Variants in TEX29 observed in about 807,000 individuals in gnomAD.
TEX29 encodes the protein testis expressed 29.
TEX29 carries 26 observed loss-of-function variants against 18.2 expected under a neutral mutation model. The observed-to-expected ratio is 1.43, with a 90% CI of 1.04 to 1.98. The LOEUF (loss-of-function observed/expected upper bound fraction) is 1.98. TEX29 is among the 30% of genes most tolerant of loss of function. The probability of loss-of-function intolerance (pLI) is 0.00; values close to 1 mark genes in which losing one functional copy is unlikely to be tolerated. For synonymous variants in TEX29, 83 were observed against 78.5 expected (o/e 1.06, Z -0.31); for missense variants, 177 against 194.2 (o/e 0.91, Z 0.53).
chr13:111,326,114 G>A (rs1408172688), intron 2 of TEX29, among the ~76,000 whole-genome samples: 2 of 152,264 alleles, frequency 1.3e-5, no homozygotes, highest in Non-Finnish European at 2.9e-5. Context: ...TGGGATCTTG[G>A]GTTTCGTCTG....
At chr13:111,331,072 G>T (rs2093682003) in intron 3 of TEX29, among the ~76,000 whole-genome samples, 1 of 152,184 alleles carries the variant, frequency 6.6e-6, no homozygotes, top group South Asian at 2.1e-4. Flanking sequence ...CCTAGGGGTG[G>T]AATTGCTGGA....
At chr13:111,317,508 C>T (rs562620885), upstream of TEX29, among the ~76,000 whole-genome samples, 27 of 152,284 alleles carry the variant, frequency 1.8e-4, no homozygotes, top group Admixed American at 5.2e-4. Flanking sequence ...ACAGACCTGG[C>T]GTGCTCCTCC....
chr13:111,333,215 C>G (rs1167596544), intron 3 of TEX29, among the ~76,000 whole-genome samples: 1 of 150,518 alleles, frequency 6.6e-6, no homozygotes, highest in Non-Finnish European at 1.5e-5. Context: ...CTGAGTTTAT[C>G]CTACTCAGAG....
intron 3 of TEX29, among the ~76,000 whole-genome samples, chr13:111,338,946 C>A (rs2093693297): frequency 6.6e-6 from 1 of 152,218 alleles, no homozygotes; most frequent in Non-Finnish European, 1.5e-5. Context: ...CGACGGAGAT[C>A]CAGATATCAG....
At chr13:111,341,690 C>T (rs1344961784) in intron 4 of TEX29, among the ~76,000 whole-genome samples, 19 of 112,734 alleles carry the variant, frequency 1.7e-4, no homozygotes, top group Admixed American at 3.8e-4. Flanking sequence ...AATCATAACC[C>T]GTGTTTAGTG....
In TEX29 at chr13:111,320,666, G is replaced by A; in HGVS notation, c.-131G>A. 1 of 602,678 alleles carries A rather than the reference G, an allele frequency of 1.7e-6. No individual in the cohort carries two copies. The highest frequency in any genetic ancestry group is 3.0e-6 in the Non-Finnish European group (1 of 335,106). The allele number at this position is 602,678 out of a possible 1,614,324, so 37.3% of individuals were successfully genotyped here. A position where few individuals can be genotyped will look rare whatever the true frequency, so the allele number is the denominator to read the frequency against. The stretch of plus-strand genomic sequence containing the variant: ...CATAGTGAGCGGCAGACAGAGGGGT[G>A]GCCAGTTTGTTGTTTTACCTAAAAG... On this transcript the variant is annotated 5_prime_UTR_variant, in exon 1 of 6. Coordinates refer to ENST00000283547, the MANE Select transcript of TEX29 (RefSeq NM_152324.3).
At chr13:111,331,569 C>T (rs1040833770) in intron 3 of TEX29, among the ~76,000 whole-genome samples, 14 of 151,970 alleles carry the variant, frequency 9.2e-5, no homozygotes, top group African/African-American at 3.4e-4. Flanking sequence ...TTATGAAGTC[C>T]ATTTTATCCA....
chr13:111,329,113 A>T (rs1165119300), intron 3 of TEX29, among the ~76,000 whole-genome samples: 2 of 152,070 alleles, frequency 1.3e-5, no homozygotes, highest in Non-Finnish European at 2.9e-5. Flanking sequence ...GTGAAGCTTC[A>T]TGTGTTTCCT....
Position 111,323,287 on chromosome 13 carries a change from G to A in TEX29, c.58+2339G>A, listed in dbSNP as rs576139788. 5.1e-3 allele frequency among the ~76,000 whole-genome samples: 778 copies of A among 152,318 alleles called. 5 individuals carry two copies. The highest frequency in any genetic ancestry group is 0.02 in the Middle Eastern group (6 of 294). Reference sequence around the variant, plus strand: ...CATGTTCACATGGCCCTGGATGGCGGGTGACCTGGGGGTGAAAGAGCGGAA... The same window carrying A: ...CATGTTCACATGGCCCTGGATGGCGAGTGACCTGGGGGTGAAAGAGCGGAA... On this transcript the variant is annotated intron_variant, in intron 2 of 5. Coordinates refer to ENST00000283547, the MANE Select transcript of TEX29 (RefSeq NM_152324.3).
chr13:111,329,053 G>A (rs1282724900), intron 3 of TEX29, among the ~76,000 whole-genome samples: 1 of 152,226 alleles, frequency 6.6e-6, no homozygotes, highest in East Asian at 1.9e-4. Context: ...TGAGTGCACT[G>A]GCCTGCGCCG....
chr13:111,332,336 A>C (rs773184294), intron 3 of TEX29, among the ~76,000 whole-genome samples: 7 of 151,778 alleles, frequency 4.6e-5, no homozygotes, highest in Admixed American at 1.3e-4. Context: ...TCATTTTCAG[A>C]TTGTCTATTG....
At chr13:111,324,030 A>T (rs1024118627) in intron 2 of TEX29, among the ~76,000 whole-genome samples, 9 of 152,186 alleles carry the variant, frequency 5.9e-5, no homozygotes, top group Non-Finnish European at 7.4e-5. Context: ...CTGTGAAGAC[A>T]CATTCAGCCG....
At chr13:111,331,297 T>C (rs2093682271) in intron 3 of TEX29, among the ~76,000 whole-genome samples, 1 of 147,130 alleles carries the variant, frequency 6.8e-6, no homozygotes, top group South Asian at 2.1e-4. Flanking sequence ...TAATGAATAA[T>C]GATGTTCACC....
At chr13:111,320,974 C>CGGGGGG in intron 2 of TEX29, 26 bp downstream of exon 2, 2 of 165,104 alleles carry the variant, frequency 1.2e-5, no homozygotes, top group Non-Finnish European at 1.0e-5. Flanking sequence ...GCCAGGGGGG[C>CGGGGGG]GGGTGGGGTG....
At chr13:111,329,241 A>G (rs1393167368) in intron 3 of TEX29, among the ~76,000 whole-genome samples, 1 of 152,116 alleles carries the variant, frequency 6.6e-6, no homozygotes, top group African/African-American at 2.4e-5. Flanking sequence ...GGGAGGGAAC[A>G]GTGCAGCCCT....
intron 3 of TEX29, among the ~76,000 whole-genome samples, chr13:111,338,787 C>T (rs2093693015): frequency 6.6e-6 from 1 of 152,184 alleles, no homozygotes; most frequent in African/African-American, 2.4e-5. Flanking sequence ...TACTTGCATT[C>T]ATTAAAAAAT....
chr13:111,316,792 C>T (rs2093655367), upstream of TEX29, among the ~76,000 whole-genome samples: 1 of 152,154 alleles, frequency 6.6e-6, no homozygotes, highest in African/African-American at 2.4e-5. Flanking sequence ...AAGATACTAC[C>T]TGAGACTGGG....
At chr13:111,317,012 G>A (rs879441388), upstream of TEX29, among the ~76,000 whole-genome samples, 15 of 152,076 alleles carry the variant, frequency 9.9e-5, no homozygotes, top group Non-Finnish European at 2.1e-4. Context: ...CCACCCCCAC[G>A]GTCCAATCAC....
upstream of TEX29, among the ~76,000 whole-genome samples, chr13:111,318,246 C>T (rs937873411): frequency 5.3e-5 from 8 of 152,102 alleles, no homozygotes; most frequent in South Asian, 1.7e-3. Flanking sequence ...TCAGAGGTAA[C>T]GGGTCCCCGT....
Sources: allele counts gnomAD v4.1 joint callset (sites outside exome capture counted in the v4.1 genomes callset), GRCh38; gene constraint gnomAD v4.1.1; transcripts MANE v1.5; gene names NCBI Gene and HGNC (gene_info 2026-07-23, HGNC 2026-07-21).